Variants in HIP1 observed in about 807,000 individuals in gnomAD.
HIP1 encodes the protein huntingtin-interacting protein 1.
HIP1 carries 65 observed loss-of-function variants against 147.6 expected under a neutral mutation model. The observed-to-expected ratio is 0.44, with a 90% CI of 0.36 to 0.54. The LOEUF (loss-of-function observed/expected upper bound fraction) is 0.54, where lower values mean the gene tolerates loss of function less well. Ranked by LOEUF, HIP1 falls within the 20% of genes least tolerant of loss-of-function variation. The probability of loss-of-function intolerance (pLI) is 0.00; values close to 1 mark genes in which losing one functional copy is unlikely to be tolerated. For missense variants in HIP1, 1,061 were observed against 1,299.6 expected (o/e 0.82, Z 2.82); for synonymous variants, 479 against 504.0 (o/e 0.95, Z 0.67).
chr7:75,718,221 G>A (rs1801382472), intron 1 of HIP1, among the ~76,000 whole-genome samples: 1 of 151,988 alleles, frequency 6.6e-6, no homozygotes, highest in Non-Finnish European at 1.5e-5. Flanking sequence ...TTAGCATGGT[G>A]GTGCACACTC....
rs1339495186 is a variant in HIP1, at chr7:75,544,523, G to C, written c.2766+172C>G. 1.3e-5 allele frequency among the ~76,000 whole-genome samples: 2 copies of C among 151,944 alleles called. No homozygotes were observed. The highest frequency in any genetic ancestry group is 2.9e-5 in the Non-Finnish European group (2 of 67,990). The stretch of plus-strand genomic sequence containing the variant: ...TAGCCAAGTACTCTCTAACCCCTTA[G>C]TACTCTTTAACCTAGCCAAGTACAG... On this transcript the variant is annotated intron_variant, in intron 27 of 30. Transcript: ENST00000336926.
At chr7:75,610,059 C>T (rs2117051578) in intron 1 of HIP1, among the ~76,000 whole-genome samples, 1 of 152,004 alleles carries the variant, frequency 6.6e-6, no homozygotes, top group Non-Finnish European at 1.5e-5. Flanking sequence ...CACACCACCA[C>T]ACCTGGCTAA....
At chr7:75,563,499 G>A (rs188852189) in intron 9 of HIP1, 2 of 531,804 alleles carry the variant, frequency 3.8e-6, no homozygotes, top group Non-Finnish European at 6.7e-6. Flanking sequence ...CTTTGGAAGA[G>A]TAGATAATCA....
rs1554491583 is a variant in HIP1, at chr7:75,548,988, C to A, written c.2309G>T (p.Arg770Met). 2.5e-6 allele frequency: 4 copies of A among 1,613,516 alleles called. No homozygotes were observed. The South Asian group carries it at 4.4e-5, about 18-fold the overall frequency. The change falls in exon 23 of 31, where the codon AGG becomes ATG. Residue 770 changes from arginine (R) to methionine (M), a missense_variant. Physicochemically the swap from Arg to Met is moderately conservative, Grantham distance 91. This residue lies in a region of HIP1 where 810 missense variants were observed against 946.8 expected (regional missense o/e 0.86). Transcript: ENST00000336926. ...CTCCTCCTGCTTGATGTCCAGTCCCCTGGGCAGGAGCTCCTGTGAACACAT... is the reference window on the plus strand; with the variant it reads ...CTCCTCCTGCTTGATGTCCAGTCCCATGGGCAGGAGCTCCTGTGAACACAT... Reference protein sequence around the residue: ...IKAIGEELLPRGLDIKQEELG... With the variant: ...IKAIGEELLPMGLDIKQEELG...
chr7:75,688,569 G>A (rs1408444461), intron 1 of HIP1, among the ~76,000 whole-genome samples: 2 of 152,062 alleles, frequency 1.3e-5, no homozygotes, highest in African/African-American at 4.8e-5. Context: ...AGCCCCACCT[G>A]TCAGGCCCCC....
intron 1 of HIP1, among the ~76,000 whole-genome samples, chr7:75,710,978 C>T (rs1801150931): frequency 6.6e-6 from 1 of 152,172 alleles, no homozygotes; most frequent in Non-Finnish European, 1.5e-5. Context: ...AATTACTCAT[C>T]TTTCATATGT....
chr7:75,575,810 G>A (rs913876396), intron 7 of HIP1, among the ~76,000 whole-genome samples: 2 of 151,934 alleles, frequency 1.3e-5, no homozygotes, highest in East Asian at 1.9e-4. Flanking sequence ...GACTCTCCCC[G>A]CGGTCCCTCT....
intron 1 of HIP1, among the ~76,000 whole-genome samples, chr7:75,620,155 T>C (rs905580339): frequency 6.6e-6 from 1 of 151,590 alleles, no homozygotes; most frequent in Non-Finnish European, 1.5e-5. Context: ...GAGGCCAAGG[T>C]GGGTGGATTG....
At chr7:75,701,127 A>G (rs1800817753) in intron 1 of HIP1, among the ~76,000 whole-genome samples, 1 of 152,144 alleles carries the variant, frequency 6.6e-6, no homozygotes, top group South Asian at 2.1e-4. Flanking sequence ...ACAGTGGCAC[A>G]TGCTACCTGT....
At chr7:75,734,617 C>G (rs1478194062) in intron 1 of HIP1, among the ~76,000 whole-genome samples, 1 of 151,984 alleles carries the variant, frequency 6.6e-6, no homozygotes, top group African/African-American at 2.4e-5. Flanking sequence ...TCAATGGGGG[C>G]CACAGAGAGA....
intron 1 of HIP1, among the ~76,000 whole-genome samples, chr7:75,675,680 A>C (rs782691972): frequency 1.3e-5 from 2 of 152,052 alleles, no homozygotes; most frequent in African/African-American, 2.4e-5. Flanking sequence ...TATATTTAAA[A>C]TAACTAATTT....
intron 1 of HIP1, among the ~76,000 whole-genome samples, chr7:75,713,705 T>G (rs28485614): frequency 6.6e-6 from 1 of 151,616 alleles, no homozygotes; most frequent in African/African-American, 2.4e-5. Context: ...CATGCCATTT[T>G]TTTTTTTTTG....
chr7:75,693,744 G>A (rs546775462), intron 1 of HIP1, among the ~76,000 whole-genome samples: 37 of 136,498 alleles, frequency 2.7e-4, no homozygotes, highest in Admixed American at 6.0e-4. Flanking sequence ...GCATGGTGGC[G>A]CTCACCTGTA....
At chr7:75,690,460 A>G (rs956913017) in intron 1 of HIP1, among the ~76,000 whole-genome samples, 1 of 152,220 alleles carries the variant, frequency 6.6e-6, no homozygotes, top group Non-Finnish European at 1.5e-5. Flanking sequence ...TTAAAAACAG[A>G]AAATAACAGG....
intron 1 of HIP1, among the ~76,000 whole-genome samples, chr7:75,660,445 T>G (rs555737674): frequency 1.3e-5 from 2 of 152,188 alleles, no homozygotes; most frequent in African/African-American, 4.8e-5. Context: ...GAGAATTGCT[T>G]GAACCCACGA....
At chr7:75,565,963 T>A (rs782362332) in intron 9 of HIP1, among the ~76,000 whole-genome samples, 2 of 151,018 alleles carry the variant, frequency 1.3e-5, no homozygotes, top group Admixed American at 6.6e-5. Flanking sequence ...ATCCACTTGC[T>A]TCGGCCTCCC....
At chr7:75,598,206 G>A (rs1220327494) in intron 2 of HIP1, among the ~76,000 whole-genome samples, 2 of 152,010 alleles carry the variant, frequency 1.3e-5, no homozygotes, top group Non-Finnish European at 2.9e-5. Flanking sequence ...AGGCCAGCCT[G>A]GCCAACATGG....
intron 1 of HIP1, among the ~76,000 whole-genome samples, chr7:75,737,174 C>A (rs1802049130): frequency 6.6e-6 from 1 of 152,132 alleles, no homozygotes; most frequent in Non-Finnish European, 1.5e-5. Context: ...GATCCTCCCA[C>A]CTTGGCCTCC....
At chr7:75,613,177 A>G (rs1797508946) in intron 1 of HIP1, among the ~76,000 whole-genome samples, 1 of 152,168 alleles carries the variant, frequency 6.6e-6, no homozygotes, top group African/African-American at 2.4e-5. Context: ...GTTGCAGTAC[A>G]GGTGGCAATA....
Sources: allele counts gnomAD v4.1 joint callset (sites outside exome capture counted in the v4.1 genomes callset), GRCh38; gene constraint gnomAD v4.1.1; regional missense constraint gnomAD v4.1.1; transcripts MANE v1.5; gene names NCBI Gene and HGNC (gene_info 2026-07-23, HGNC 2026-07-21).